Variants in CADM1 observed in about 807,000 individuals in gnomAD.
CADM1 encodes the protein cell adhesion molecule 1.
A neutral mutation model predicts 53.1 loss-of-function variants in CADM1; 15 were observed. The observed-to-expected ratio is 0.28, with a 90% CI of 0.19 to 0.44. The LOEUF (loss-of-function observed/expected upper bound fraction) is 0.44. CADM1 is among the 20% of genes least tolerant of loss of function. The pLI is 1.00. For synonymous variants in CADM1, 281 were observed against 243.0 expected, an observed-to-expected ratio of 1.16 and a Z score of -1.45; for missense variants, 434 against 611.3, an observed-to-expected ratio of 0.71 and a Z score of 3.06.
Position 115,209,557 on chromosome 11 carries a change from T to C in CADM1, c.1078+17A>G, listed in dbSNP as rs1250984170. On this transcript the variant is annotated intron_variant, in intron 8 of 11. Coordinates refer to ENST00000331581, the MANE Select transcript of CADM1 (RefSeq NM_001301043.2). Reference sequence around the variant, plus strand: ...TATACATTCAGGACATTTTCAATGGTAATGAAGATACCATACCTGTGATGA... The same window carrying C: ...TATACATTCAGGACATTTTCAATGGCAATGAAGATACCATACCTGTGATGA... The C allele has an allele frequency of 1.1e-5, 18 of 1,612,276 alleles. No individual in the cohort carries two copies. Among genetic ancestry groups the C allele is most frequent in the Admixed American group, 1.0e-4 (6 of 59,810 alleles).
At chr11:115,215,731 C>T (rs1024444711) in intron 6 of CADM1, among the ~76,000 whole-genome samples, 2 of 152,338 alleles carry the variant, frequency 1.3e-5, no homozygotes, top group Middle Eastern at 3.4e-3. Context: ...CAAGGCACTT[C>T]CCTCAACCTC....
chr11:115,190,814 G>A (rs1038566784), intron 10 of CADM1, 74 bp downstream of exon 10: 17 of 1,283,620 alleles, frequency 1.3e-5, no homozygotes, highest in East Asian at 4.8e-5. Flanking sequence ...CAAACCAAAT[G>A]GCCATTTTGT....
At chr11:115,284,114 C>CTCTCTCTCTCTCTCTCTCTCTCTGTG (rs1351842329) in intron 1 of CADM1, among the ~76,000 whole-genome samples, 16 of 98,680 alleles carry the variant, frequency 1.6e-4, no homozygotes, top group Non-Finnish European at 2.1e-4. Context: ...CTCTCTCTCT[C>CTCTCTCTCTCTCTCTCTCTCTCTGTG]TGTGTGTGTG....
At chr11:115,395,967 A>G (rs759811395) in intron 1 of CADM1, among the ~76,000 whole-genome samples, 6 of 152,148 alleles carry the variant, frequency 3.9e-5, no homozygotes, top group Non-Finnish European at 8.8e-5. Flanking sequence ...ATGACATTCA[A>G]AGAGTTCATC....
intron 4 of CADM1, among the ~76,000 whole-genome samples, chr11:115,230,226 T>A (rs993997543): frequency 6.6e-6 from 1 of 152,208 alleles, no homozygotes; most frequent in African/African-American, 2.4e-5. Context: ...CTTCCAGATA[T>A]AGATTTCTAT....
intron 1 of CADM1, among the ~76,000 whole-genome samples, chr11:115,454,964 T>A (rs1281659591): frequency 6.6e-6 from 1 of 152,162 alleles, no homozygotes; most frequent in African/African-American, 2.4e-5. Flanking sequence ...GCCCATAAAA[T>A]AAGAACTTTC....
intron 1 of CADM1, among the ~76,000 whole-genome samples, chr11:115,299,640 T>C (rs1435269529): frequency 6.6e-6 from 1 of 152,162 alleles, no homozygotes; most frequent in Non-Finnish European, 1.5e-5. Flanking sequence ...TCCATTCTTA[T>C]ATTCCTGCAG....
At chr11:115,317,308 C>T (rs1393019043) in intron 1 of CADM1, among the ~76,000 whole-genome samples, 1 of 152,054 alleles carries the variant, frequency 6.6e-6, no homozygotes, top group African/African-American at 2.4e-5. Flanking sequence ...TGGAGATGAA[C>T]ACGAAAAATT....
At chr11:115,188,091 A>G (rs1356396028) in intron 10 of CADM1, among the ~76,000 whole-genome samples, 1 of 152,200 alleles carries the variant, frequency 6.6e-6, no homozygotes, top group African/African-American at 2.4e-5. Context: ...TCACTCCACT[A>G]AACAGTTCCC....
chr11:115,185,930 C>G (rs1399539154), intron 10 of CADM1, among the ~76,000 whole-genome samples: 1 of 152,186 alleles, frequency 6.6e-6, no homozygotes, highest in African/African-American at 2.4e-5. Context: ...GAAGTCACCC[C>G]AAAGCAGTGT....
intron 3 of CADM1, among the ~76,000 whole-genome samples, chr11:115,235,239 A>G (rs1941972242): frequency 6.6e-6 from 1 of 152,138 alleles, no homozygotes; most frequent in Admixed American, 6.5e-5. Flanking sequence ...CTTTTCTGAA[A>G]AAAAAAGGGT....
chr11:115,174,849 T>C lies in CADM1; in HGVS notation c.*1625A>G, dbSNP rs888163109. 3 of 985,546 alleles carry C rather than the reference T, an allele frequency of 3.0e-6. No homozygotes were observed. Among genetic ancestry groups the C allele is most frequent in the African/African-American group, 3.5e-5 (2 of 57,236 alleles). 61.1% of individuals were successfully genotyped at this position (985,546 alleles called of 1,614,324 possible). A position where few individuals can be genotyped will look rare whatever the true frequency, so the allele number is the denominator to read the frequency against. ...AAACATATGGTAAGAGTTTAGTTTC[T>C]GTCCTTCAGGACTACTTCTAGATTT... On this transcript the variant is annotated 3_prime_UTR_variant, in exon 12 of 12. Transcript: ENST00000331581.
chr11:115,209,746 G>A, intron 7 of CADM1, 89 bp from the exon 8 acceptor site: 1 of 1,506,548 alleles, frequency 6.6e-7, no homozygotes, highest in Non-Finnish European at 9.0e-7. Context: ...AGGACATTGA[G>A]ATGTTTGTTT....
chr11:115,298,873 C>T (rs553555862), intron 1 of CADM1, among the ~76,000 whole-genome samples: 10 of 152,252 alleles, frequency 6.6e-5, no homozygotes, highest in South Asian at 2.1e-4. Context: ...ACTAGCTTTC[C>T]GTGAGCAGCC....
At chr11:115,378,991 T>C (rs141434343) in intron 1 of CADM1, among the ~76,000 whole-genome samples, 4 of 152,334 alleles carry the variant, frequency 2.6e-5, no homozygotes, top group African/African-American at 9.6e-5. Flanking sequence ...TTTAGTAATT[T>C]AAAGAGGTTC....
intron 8 of CADM1, among the ~76,000 whole-genome samples, chr11:115,204,922 C>A (rs1940606352): frequency 6.6e-6 from 1 of 152,094 alleles, no homozygotes; most frequent in Non-Finnish European, 1.5e-5. Context: ...TAAGAAAAGC[C>A]TGGCTATTTT....
chr11:115,229,317 C>T (rs762929873), intron 4 of CADM1, 46 bp from the exon 5 acceptor site: 2 of 1,601,408 alleles, frequency 1.2e-6, no homozygotes, highest in Non-Finnish European at 1.7e-6. Flanking sequence ...GGGTGAATTT[C>T]CATCAGTTTG....
In CADM1 at chr11:115,176,123, T is replaced by A; in HGVS notation, c.*351A>T. ...CCGAAATTGGGGTAGAGGGAGGAAATAAATGTGCACAAAGGGGGAAAAGAA... is the reference window on the plus strand; with the variant it reads ...CCGAAATTGGGGTAGAGGGAGGAAAAAAATGTGCACAAAGGGGGAAAAGAA... On this transcript the variant is annotated 3_prime_UTR_variant, in exon 12 of 12. Coordinates refer to ENST00000331581, the MANE Select transcript of CADM1 (RefSeq NM_001301043.2). The A allele has an allele frequency of 9.0e-7, 1 of 1,116,064 alleles. No individual in the cohort carries two copies. The highest frequency in any genetic ancestry group is 1.1e-6 in the Non-Finnish European group (1 of 906,732). The allele number at this position is 1,116,064 out of a possible 1,614,324, so 69.1% of individuals were successfully genotyped here.
chr11:115,496,721 G>A (rs1297138510), intron 1 of CADM1, among the ~76,000 whole-genome samples: 2 of 152,100 alleles, frequency 1.3e-5, no homozygotes, highest in South Asian at 2.1e-4. Context: ...ACAGTTTGGA[G>A]AGGGCACTGA....
Sources: allele counts gnomAD v4.1 joint callset (sites outside exome capture counted in the v4.1 genomes callset), GRCh38; gene constraint gnomAD v4.1.1; transcripts MANE v1.5; gene names NCBI Gene and HGNC (gene_info 2026-07-23, HGNC 2026-07-21).